The following IMMP2L variants were observed in gnomAD, a reference collection of about 807,000 sequenced individuals.
The protein encoded by IMMP2L is inner mitochondrial membrane peptidase subunit 2.
A neutral mutation model predicts 19.3 loss-of-function variants in IMMP2L; 18 were observed. The ratio of observed to expected loss-of-function variants is 0.93; its 90% CI spans 0.64 to 1.38. The LOEUF (loss-of-function observed/expected upper bound fraction) is 1.38. Ranked by LOEUF, IMMP2L falls within the 40% of genes most tolerant of loss-of-function variation. IMMP2L has a pLI of 0.00. For missense variants in IMMP2L, 233 were observed against 218.2 expected (o/e 1.07, Z -0.43); for synonymous variants, 76 against 73.0 (o/e 1.04, Z -0.21).
intron 3 of IMMP2L, among the ~76,000 whole-genome samples, chr7:111,482,993 G>T (rs1842324792): frequency 6.6e-6 from 1 of 152,102 alleles, no homozygotes. Context: ...ATCTTGAGTA[G>T]GATCTTGGCC....
chr7:110,977,043 T>C (rs73201022), intron 3 of IMMP2L, among the ~76,000 whole-genome samples: 6 of 151,986 alleles, frequency 3.9e-5, no homozygotes, highest in Non-Finnish European at 7.4e-5. Flanking sequence ...TTAAAGAATA[T>C]AAAAACCTCC....
chr7:111,205,793 G>A (rs1011684815), intron 3 of IMMP2L, among the ~76,000 whole-genome samples: 1 of 152,106 alleles, frequency 6.6e-6, no homozygotes, highest in Non-Finnish European at 1.5e-5. Context: ...GTTCCACAGA[G>A]GAGCCCATGG....
intron 3 of IMMP2L, among the ~76,000 whole-genome samples, chr7:111,184,358 AAATTATGTTGTACAGAATG>A (rs2129611673): frequency 6.6e-6 from 1 of 152,180 alleles, no homozygotes; most frequent in Non-Finnish European, 1.5e-5. Context: ...TCATTTACAA[AAATTATGTTGTACAGAATG>A]AATTGTGTGT....
intron 3 of IMMP2L, among the ~76,000 whole-genome samples, chr7:111,234,688 A>G (rs1381790036): frequency 6.6e-6 from 1 of 151,690 alleles, no homozygotes; most frequent in African/African-American, 2.4e-5. Flanking sequence ...ATATTATTCC[A>G]CTTTATCTGC....
intron 4 of IMMP2L, among the ~76,000 whole-genome samples, chr7:110,943,385 A>G (rs1229648518): frequency 6.6e-6 from 1 of 152,002 alleles, no homozygotes; most frequent in Non-Finnish European, 1.5e-5. Context: ...AGTAGAGTGT[A>G]TCCTTGTTCA....
At chr7:111,365,923 T>C (rs561529077) in intron 3 of IMMP2L, among the ~76,000 whole-genome samples, 39 of 152,034 alleles carry the variant, frequency 2.6e-4, no homozygotes, top group African/African-American at 8.9e-4. Flanking sequence ...AATTTTCTAA[T>C]AAAAAGTAGA....
At chr7:111,477,808 G>T (rs892675174) in intron 3 of IMMP2L, among the ~76,000 whole-genome samples, 1 of 152,036 alleles carries the variant, frequency 6.6e-6, no homozygotes, top group Non-Finnish European at 1.5e-5. Flanking sequence ...TGAGGCAGGA[G>T]AATCGCTTGA....
chr7:110,766,287 T>C (rs1798656600), intron 5 of IMMP2L, among the ~76,000 whole-genome samples: 1 of 152,054 alleles, frequency 6.6e-6, no homozygotes, highest in Admixed American at 6.6e-5. Context: ...CTTTAACTTG[T>C]CAAAAATTAA....
intron 3 of IMMP2L, among the ~76,000 whole-genome samples, chr7:111,453,008 T>C (rs1195332519): frequency 6.6e-6 from 1 of 152,130 alleles, no homozygotes. Flanking sequence ...ACTGAATAAA[T>C]AAACTATTAC....
intron 3 of IMMP2L, among the ~76,000 whole-genome samples, chr7:111,206,809 A>G (rs1810760275): frequency 6.6e-6 from 1 of 152,186 alleles, no homozygotes; most frequent in Non-Finnish European, 1.5e-5. Flanking sequence ...CTCCCAAGCA[A>G]GAGAACAATA....
intron 3 of IMMP2L, among the ~76,000 whole-genome samples, chr7:110,971,326 T>C (rs1464265000): frequency 6.6e-6 from 1 of 152,130 alleles, no homozygotes; most frequent in Admixed American, 6.6e-5. Context: ...TTGAGCATTT[T>C]ACCTTCAGCA....
chr7:111,053,185 T>G (rs1000488283), intron 3 of IMMP2L, among the ~76,000 whole-genome samples: 4 of 152,220 alleles, frequency 2.6e-5, no homozygotes, highest in African/African-American at 9.6e-5. Context: ...AGCAAGCAGC[T>G]TGAAAGATAT....
intron 3 of IMMP2L, among the ~76,000 whole-genome samples, chr7:111,090,816 C>T (rs1163369783): frequency 1.3e-5 from 2 of 152,058 alleles, no homozygotes; most frequent in East Asian, 1.9e-4. Flanking sequence ...AGTAGTGTGT[C>T]CTCTCTATTT....
At chr7:111,341,927 T>C (rs1167609107) in intron 3 of IMMP2L, among the ~76,000 whole-genome samples, 1 of 152,068 alleles carries the variant, frequency 6.6e-6, no homozygotes, top group Non-Finnish European at 1.5e-5. Context: ...CACCACAAGA[T>C]GAAACAGCAA....
chr7:111,431,305 G>A (rs955861137), intron 3 of IMMP2L, among the ~76,000 whole-genome samples: 4 of 151,868 alleles, frequency 2.6e-5, no homozygotes, highest in Non-Finnish European at 2.9e-5. Context: ...AATGAACTTC[G>A]GACTTTCCCA....
intron 3 of IMMP2L, among the ~76,000 whole-genome samples, chr7:111,385,741 T>C (rs1044071428): frequency 1.3e-5 from 2 of 152,072 alleles, no homozygotes; most frequent in Non-Finnish European, 2.9e-5. Context: ...GGAAAAAAAT[T>C]ACAAATATCT....
At chr7:111,324,738 T>C (rs1306238673) in intron 3 of IMMP2L, among the ~76,000 whole-genome samples, 1 of 151,818 alleles carries the variant, frequency 6.6e-6, no homozygotes, top group East Asian at 1.9e-4. Flanking sequence ...TCAACCAATA[T>C]CAACAACAAT....
chr7:110,816,888 A>G (rs922664775), intron 5 of IMMP2L, among the ~76,000 whole-genome samples: 6 of 152,136 alleles, frequency 3.9e-5, no homozygotes, highest in Non-Finnish European at 8.8e-5. Flanking sequence ...TTTCCTGAAT[A>G]TACGACACTG....
At chr7:110,964,704 T>C (rs1303780971) in intron 3 of IMMP2L, among the ~76,000 whole-genome samples, 3 of 152,026 alleles carry the variant, frequency 2.0e-5, no homozygotes, top group Non-Finnish European at 4.4e-5. Context: ...TGATGGTGCA[T>C]CACTTTTGAG....
Sources: allele counts gnomAD v4.1 joint callset (sites outside exome capture counted in the v4.1 genomes callset), GRCh38; gene constraint gnomAD v4.1.1; transcripts MANE v1.5; gene names NCBI Gene and HGNC (gene_info 2026-07-23, HGNC 2026-07-21).